Variants in ZNF99 observed in about 807,000 individuals in gnomAD.
ZNF99 encodes zinc finger protein 99, also known as zinc finger protein ENSP00000375192.
ZNF99 carries 8 observed loss-of-function variants against 12.8 expected under a neutral mutation model. That is an observed-to-expected ratio of 0.62 (90% CI 0.37 to 1.13). The LOEUF is 1.13. Among genes scored for constraint, ZNF99 ranks in the 50% most tolerant of loss-of-function variants. The pLI is 0.02. For synonymous variants in ZNF99, 318 were observed against 319.0 expected, an observed-to-expected ratio of 1.00 and a Z score of 0.03; for missense variants, 1,007 against 1,006.2, an observed-to-expected ratio of 1.00 and a Z score of -0.01.
chr19:22,757,389 C>T lies in ZNF99; in HGVS notation c.2520G>A (p.Met840Ile). The stretch of plus-strand genomic sequence containing the variant: ...TCTTCACATTTGCAGGGTTTCTCTC[C>T]ATATGAATTACCTTATGTAAAGTAA... ...SKLTLHKVIH[M>I]ERNPANVKNV... Residue 840 changes from methionine to isoleucine, a missense_variant, in exon 4 of 4, where the codon ATG becomes ATA. Coordinates refer to ENST00000596209, the MANE Select transcript of ZNF99 (RefSeq NM_001080409.3). The T allele has an allele frequency of 6.2e-7, 1 of 1,606,510 alleles. No homozygotes were observed. Among genetic ancestry groups the T allele is most frequent in the Non-Finnish European group, 8.5e-7 (1 of 1,177,796 alleles).
intron 3 of ZNF99, among the ~76,000 whole-genome samples, chr19:22,767,123 A>G (rs184124459): frequency 0.082 from 12,434 of 150,888 alleles, 533 homozygotes; most frequent in South Asian, 0.11. Flanking sequence ...AAAAAAAAAA[A>G]AAAACCAAAA....
At chr19:22,768,472 TAATAG>T (rs1241698602) in intron 2 of ZNF99, 72 bp from the exon 3 acceptor site, 10 of 1,273,126 alleles carry the variant, frequency 7.9e-6, no homozygotes, top group Non-Finnish European at 1.1e-5. Flanking sequence ...AAAGAGAATG[TAATAG>T]AATATTCTAG....
In ZNF99 at chr19:22,758,251, A is replaced by G. The variant is rs370599552; in HGVS notation, c.1658T>C (p.Met553Thr). Residue 553 changes from methionine (M) to threonine (T), a missense_variant, in exon 4 of 4, where the codon ATG (methionine) becomes ACG (threonine). Transcript: ENST00000596209. ...GKAFNNSSTL[M>T]KHKIIHTGKK... The stretch of plus-strand genomic sequence containing the variant: ...CCCAGTATGAATTATCTTATGTTTC[A>G]TAAGGGTTGAGGAATTGTTAAAAGC... The G allele has an allele frequency of 6.3e-7, 1 of 1,591,822 alleles. No homozygotes were observed. Among genetic ancestry groups the G allele is most frequent in the Non-Finnish European group, 8.6e-7 (1 of 1,167,260 alleles).
In ZNF99 at chr19:22,762,187, T is replaced by C. The variant is rs1195772878; in HGVS notation, c.227-2505A>G. ...AAACAAACAAACAAAAACCAAAAGATAAATAAAACAAAAACCTGGCTCTTT... is the reference window on the plus strand; with the variant it reads ...AAACAAACAAACAAAAACCAAAAGACAAATAAAACAAAAACCTGGCTCTTT... On this transcript the variant is annotated intron_variant, in intron 3 of 3. Transcript: ENST00000596209. Among the ~76,000 whole-genome samples the C allele has an allele frequency of 2.0e-5, 3 of 150,838 alleles. No individual in the cohort carries two copies. The East Asian group carries it at 5.8e-4, about 29-fold the overall frequency.
In ZNF99 at chr19:22,753,596, T is replaced by C. The variant is rs1292865998; in HGVS notation, c.*3718A>G. On this transcript the variant is annotated 3_prime_UTR_variant, in exon 4 of 4. Transcript: ENST00000596209. Reference sequence around the variant, plus strand: ...CACAATAAGATCTGTGATACAAATATAGTACTACAACCGTCTTTATATTTG... The same window carrying C: ...CACAATAAGATCTGTGATACAAATACAGTACTACAACCGTCTTTATATTTG... 6.6e-6 allele frequency: 1 copy of C among 152,662 alleles called. No individual in the cohort carries two copies. The highest frequency in any genetic ancestry group is 2.1e-4 in the South Asian group (1 of 4,868). The allele number at this position is 152,662 out of a possible 1,614,324, so 9.5% of individuals were successfully genotyped here. A position where few individuals can be genotyped will look rare whatever the true frequency, so the allele number is the denominator to read the frequency against.
chr19:22,763,748 A>G (rs1386456374), intron 3 of ZNF99, among the ~76,000 whole-genome samples: 1 of 152,154 alleles, frequency 6.6e-6, no homozygotes. Context: ...AGCCATAGTC[A>G]CAAAAACAGC....
At position 22,755,722 on chromosome 19, in the gene ZNF99, A is replaced by G. The variant is rs531067338; in HGVS notation, c.*1592T>C. The G allele has an allele frequency of 5.3e-5, 16 of 302,008 alleles. No individual in the cohort carries two copies. The highest frequency in any genetic ancestry group is 2.4e-3 in the Middle Eastern group (2 of 832). 18.7% of individuals were successfully genotyped at this position (302,008 alleles called of 1,614,324 possible). A position where few individuals can be genotyped will look rare whatever the true frequency, so the allele number is the denominator to read the frequency against. On this transcript the variant is annotated 3_prime_UTR_variant, in exon 4 of 4. Transcript: ENST00000596209. ...TTTGCAGTGTTTGTCTCTACTATGA[A>G]TTATCTTATGTTCAGTAAGATTTGA... is the stretch of plus-strand genomic sequence containing the variant.
intron 3 of ZNF99, among the ~76,000 whole-genome samples, chr19:22,767,045 T>C (rs1215165094): frequency 6.7e-6 from 1 of 148,192 alleles, no homozygotes; most frequent in Non-Finnish European, 1.5e-5. Context: ...CAAGGTGGGC[T>C]GATAACTTGA....
At chr19:22,768,106 C>T (rs1204654452) in intron 3 of ZNF99, among the ~76,000 whole-genome samples, 199 bp downstream of exon 3, 3 of 152,138 alleles carry the variant, frequency 2.0e-5, no homozygotes, top group Admixed American at 6.5e-5. Flanking sequence ...ATTACCAAAA[C>T]GAAAATAGAA....
At chr19:22,763,218 T>C (rs1012948485) in intron 3 of ZNF99, among the ~76,000 whole-genome samples, 3 of 152,164 alleles carry the variant, frequency 2.0e-5, no homozygotes, top group Admixed American at 1.3e-4. Flanking sequence ...GATGATATGA[T>C]TGTTTACTTT....
At chr19:22,765,136 T>C (rs1448306437) in intron 3 of ZNF99, among the ~76,000 whole-genome samples, 4 of 152,018 alleles carry the variant, frequency 2.6e-5, no homozygotes, top group African/African-American at 9.7e-5. Flanking sequence ...ATATATATAA[T>C]GGAACACTAC....
At chr19:22,760,588 CA>C (rs1325184394) in intron 3 of ZNF99, among the ~76,000 whole-genome samples, 4 of 151,868 alleles carry the variant, frequency 2.6e-5, no homozygotes, top group African/African-American at 9.7e-5. Context: ...ACTAAAAATA[CA>C]AAAAATTCGC....
intron 3 of ZNF99, among the ~76,000 whole-genome samples, chr19:22,767,249 T>G (rs1225380464): frequency 6.6e-6 from 1 of 152,080 alleles, no homozygotes; most frequent in African/African-American, 2.4e-5. Context: ...ATTACACCAT[T>G]GCAAAACAGC....
At position 22,758,665 on chromosome 19, in the gene ZNF99, T is replaced by C. The variant is rs765767937; in HGVS notation, c.1244A>G (p.His415Arg). The C allele has an allele frequency of 8.1e-6, 13 of 1,612,810 alleles. No homozygotes were observed. In the South Asian group the frequency reaches 1.1e-4, roughly 14 times the overall value. Residue 415 changes from histidine (H) to arginine (R), a missense_variant, in exon 4 of 4, where the codon CAT (histidine) becomes CGT (arginine). Transcript: ENST00000596209. ...AFKWSSKLTV[H>R]KVIHTAEKPC... ...TTTCTCTGCAGTATGAATTACCTTA[T>C]GTACAGTAAGTTTTGAGGACCACTT... is the stretch of plus-strand genomic sequence containing the variant.
intron 1 of ZNF99, chr19:22,773,758 T>C (rs1973297082): frequency 6.6e-6 from 1 of 152,248 alleles, no homozygotes; most frequent in African/African-American, 2.4e-5. Context: ...TGTCCTCTCT[T>C]GACCCCTACC....
Position 22,759,385 on chromosome 19 carries a change from C to T in ZNF99, c.524G>A (p.Cys175Tyr). The change falls in exon 4 of 4, where the codon TGT becomes TAT. Residue 175 changes from cysteine to tyrosine, a missense_variant. Physicochemically the swap from Cys to Tyr is radical, Grantham distance 194. Transcript: ENST00000596209. ...GAAAAATGATTTGCTACATTTCATA[C>T]ATTTGAAAGTTTTCTTTTTAGTGTG... The part of the protein sequence containing the change: ...IRHTKKKTFK[C>Y]MKCSKSFFML... The T allele has an allele frequency of 1.3e-6, 2 of 1,559,020 alleles. No homozygotes were observed. Among genetic ancestry groups the T allele is most frequent in the Non-Finnish European group, 1.7e-6 (2 of 1,151,536 alleles).
intron 1 of ZNF99, chr19:22,769,785 A>G: frequency 8.9e-7 from 1 of 1,121,104 alleles, no homozygotes; most frequent in Non-Finnish European, 1.2e-6. Context: ...AAAGAAAAGA[A>G]AAAAAGAAAT....
At chr19:22,770,358 C>G in intron 1 of ZNF99, 1 of 133,048 alleles carries the variant, frequency 7.5e-6, no homozygotes, top group Non-Finnish European at 1.6e-5. Flanking sequence ...ACCTGTCAGA[C>G]AGCTTTTTTT....
Position 22,755,589 on chromosome 19 carries a change from TAA to T in ZNF99, c.*1723_*1724del. On this transcript the variant is annotated 3_prime_UTR_variant, in exon 4 of 4. Coordinates refer to ENST00000596209, the MANE Select transcript of ZNF99 (RefSeq NM_001080409.3). ...TGTTCAGTAAGTTTTGAGAAGCAGT[TAA>T]AAGTTTTGCCAAATTCTTTAAATTT... The T allele has an allele frequency of 3.5e-6, 1 of 283,464 alleles. No homozygotes were observed. The highest frequency in any genetic ancestry group is 4.0e-5 in the South Asian group (1 of 24,738). The allele number at this position is 283,464 out of a possible 1,614,324, so 17.6% of individuals were successfully genotyped here. A position where few individuals can be genotyped will look rare whatever the true frequency, so the allele number is the denominator to read the frequency against.
Sources: allele counts gnomAD v4.1 joint callset (sites outside exome capture counted in the v4.1 genomes callset), GRCh38; gene constraint gnomAD v4.1.1; transcripts MANE v1.5; gene names NCBI Gene and HGNC (gene_info 2026-07-23, HGNC 2026-07-21).